EEPD1: variants seen among roughly 807,000 people sequenced by gnomAD.
EEPD1 encodes endonuclease/exonuclease/phosphatase family domain containing 1.
In EEPD1, 17 loss-of-function variants were observed where a neutral mutation model predicts 46.3. The ratio of observed to expected loss-of-function variants is 0.37; its 90% CI spans 0.25 to 0.55. The LOEUF (loss-of-function observed/expected upper bound fraction) is 0.55, where lower values mean the gene tolerates loss of function less well. Ranked by LOEUF, EEPD1 falls within the 20% of genes least tolerant of loss-of-function variation. EEPD1 has a pLI of 0.83. For missense variants in EEPD1, 673 were observed against 745.6 expected (o/e 0.90, Z 1.13); for synonymous variants, 313 against 315.6 (o/e 0.99, Z 0.09).
intron 2 of EEPD1, among the ~76,000 whole-genome samples, chr7:36,200,874 T>C (rs1213800128): frequency 1.3e-5 from 2 of 152,136 alleles, no homozygotes; most frequent in African/African-American, 4.8e-5. Context: ...AATCTCAAAG[T>C]TTCTTTCTGC....
chr7:36,245,004 A>G (rs111737437), intron 3 of EEPD1, among the ~76,000 whole-genome samples: 2 of 149,972 alleles, frequency 1.3e-5, no homozygotes, highest in African/African-American at 4.9e-5. Flanking sequence ...AGAGTGCAGT[A>G]GTATGATCTC....
chr7:36,268,592 A>G (rs561438480), intron 3 of EEPD1, among the ~76,000 whole-genome samples: 3 of 152,268 alleles, frequency 2.0e-5, no homozygotes, highest in South Asian at 2.1e-4. Context: ...CCAGCATGCA[A>G]TGCTGGCTCC....
At chr7:36,194,348 G>A (rs1026745060) in intron 2 of EEPD1, among the ~76,000 whole-genome samples, 1 of 152,192 alleles carries the variant, frequency 6.6e-6, no homozygotes, top group African/African-American at 2.4e-5. Flanking sequence ...GTTTCAACCT[G>A]AGGCAGGATA....
chr7:36,291,567 G>A (rs907468971), intron 6 of EEPD1, among the ~76,000 whole-genome samples: 7 of 152,174 alleles, frequency 4.6e-5, no homozygotes, highest in Non-Finnish European at 7.3e-5. Context: ...CCATGGTGTG[G>A]GTGGCCCTGC....
chr7:36,172,535 A>C (rs900271857), intron 2 of EEPD1, among the ~76,000 whole-genome samples: 2 of 150,140 alleles, frequency 1.3e-5, no homozygotes, highest in Non-Finnish European at 3.0e-5. Flanking sequence ...TGTCCAACCC[A>C]TGGCCTGCAG....
At chr7:36,191,976 T>A (rs1785468697) in intron 2 of EEPD1, among the ~76,000 whole-genome samples, 1 of 152,152 alleles carries the variant, frequency 6.6e-6, no homozygotes, top group East Asian at 1.9e-4. Flanking sequence ...GGCTCTTCTT[T>A]AGAAGAGTCT....
chr7:36,200,163 G>A (rs1052783907), intron 2 of EEPD1, among the ~76,000 whole-genome samples: 11 of 151,882 alleles, frequency 7.2e-5, no homozygotes, highest in Non-Finnish European at 1.3e-4. Context: ...CCCCTAGTGT[G>A]TGTTGTTCCC....
intron 2 of EEPD1, among the ~76,000 whole-genome samples, chr7:36,235,374 G>A (rs1370549478): frequency 6.6e-6 from 1 of 152,248 alleles, no homozygotes; most frequent in Non-Finnish European, 1.5e-5. Context: ...CCTCAGTTCA[G>A]GCACCTGCAC....
chr7:36,246,906 G>A lies in EEPD1; in HGVS notation c.930+7870G>A, dbSNP rs531244266. Among the ~76,000 whole-genome samples, 6 of 152,066 alleles carry A rather than the reference G, an allele frequency of 3.9e-5. No individual in the cohort carries two copies. In the East Asian group the frequency reaches 5.8e-4, roughly 15 times the overall value. ...TTTGGGAGGCCAAGGCGGGTGGATC[G>A]CCTGAGGTCAGGAGTTCGAGACCAG... On this transcript the variant is annotated intron_variant, in intron 3 of 7. Transcript: ENST00000242108.
At chr7:36,244,469 C>A (rs899138738) in intron 3 of EEPD1, among the ~76,000 whole-genome samples, 2 of 152,176 alleles carry the variant, frequency 1.3e-5, no homozygotes, top group Non-Finnish European at 2.9e-5. Flanking sequence ...TTATTAGGAT[C>A]TTAGTATTTT....
chr7:36,208,839 G>A (rs1785871473), intron 2 of EEPD1, among the ~76,000 whole-genome samples: 1 of 152,196 alleles, frequency 6.6e-6, no homozygotes, highest in Non-Finnish European at 1.5e-5. Flanking sequence ...TGCGTCACCT[G>A]GGAACTTGTT....
rs1179327015 is a variant in EEPD1, at chr7:36,178,191, A to G, written c.878+22989A>G. On this transcript the variant is annotated intron_variant, in intron 2 of 7. Coordinates refer to ENST00000242108, the MANE Select transcript of EEPD1 (RefSeq NM_030636.3). The stretch of plus-strand genomic sequence containing the variant: ...TAAATAAGTGTAAAGCACTTGCACC[A>G]CACCTGGCTCCTAGTGTCATCACCA... Among the ~76,000 whole-genome samples the G allele has an allele frequency of 3.9e-5, 6 of 152,304 alleles. No individual in the cohort carries two copies. In the East Asian group the frequency reaches 1.2e-3, roughly 29 times the overall value.
chr7:36,173,289 C>A (rs922181411), intron 2 of EEPD1, among the ~76,000 whole-genome samples: 1 of 143,944 alleles, frequency 6.9e-6, no homozygotes, highest in Non-Finnish European at 1.5e-5. Context: ...GAGATTGAGA[C>A]CATCGTGGCC....
intron 2 of EEPD1, among the ~76,000 whole-genome samples, chr7:36,174,832 G>A (rs1785149603): frequency 6.6e-6 from 1 of 152,174 alleles, no homozygotes; most frequent in South Asian, 2.1e-4. Context: ...ATCAGTAAGG[G>A]CTGATATTTG....
At chr7:36,230,872 A>G (rs1786313007) in intron 2 of EEPD1, 1 of 152,190 alleles carries the variant, frequency 6.6e-6, no homozygotes, top group Non-Finnish European at 1.5e-5. Context: ...TGGATCCATC[A>G]TATAGCATTC....
chr7:36,260,385 C>G (rs531070873), intron 3 of EEPD1, among the ~76,000 whole-genome samples: 25 of 152,310 alleles, frequency 1.6e-4, no homozygotes, highest in African/African-American at 4.3e-4. Context: ...TCTCTGATCT[C>G]TTTTGTTTCT....
chr7:36,221,160 G>A (rs939321101), intron 2 of EEPD1, among the ~76,000 whole-genome samples: 1 of 152,144 alleles, frequency 6.6e-6, no homozygotes, highest in African/African-American at 2.4e-5. Context: ...TCAGTTTGAG[G>A]GAAGAGTTTC....
chr7:36,205,582 C>T (rs1335481317), intron 2 of EEPD1, among the ~76,000 whole-genome samples: 2 of 152,152 alleles, frequency 1.3e-5, no homozygotes, highest in East Asian at 1.9e-4. Flanking sequence ...TGGGTCCCAG[C>T]GCTGCATCTG....
chr7:36,186,381 C>G (rs1308447633), intron 2 of EEPD1, among the ~76,000 whole-genome samples: 1 of 152,166 alleles, frequency 6.6e-6, no homozygotes, highest in Non-Finnish European at 1.5e-5. Context: ...CCCTGGAAGT[C>G]TTTCATAAGT....
Sources: gnomAD v4.1 joint callset for allele counts (sites outside exome capture counted in the v4.1 genomes callset) on GRCh38, gnomAD v4.1.1 for gene constraint, MANE v1.5 for transcripts, NCBI Gene and HGNC (gene_info 2026-07-23, HGNC 2026-07-21) for gene names.